ZHX1: variants seen among roughly 807,000 people sequenced by gnomAD.
ZHX1 encodes the protein zinc fingers and homeoboxes protein 1.
A neutral mutation model predicts 61.8 loss-of-function variants in ZHX1; 20 were observed. The ratio of observed to expected loss-of-function variants is 0.32; its 90% CI spans 0.23 to 0.47. The LOEUF (loss-of-function observed/expected upper bound fraction) is 0.47, where lower values mean the gene tolerates loss of function less well. Ranked by LOEUF, ZHX1 falls within the 20% of genes least tolerant of loss-of-function variation. ZHX1 has a pLI of 1.00. For missense variants in ZHX1, 800 were observed against 1,034.8 expected, an observed-to-expected ratio of 0.77 and a Z score of 3.11; for synonymous variants, 318 against 352.6, an observed-to-expected ratio of 0.90 and a Z score of 1.10.
At chr8:123,251,088 G>A (rs968827658) in intron 3 of ZHX1, among the ~76,000 whole-genome samples, 14 of 152,190 alleles carry the variant, frequency 9.2e-5, no homozygotes, top group Admixed American at 8.5e-4. Flanking sequence ...GAATCATGGG[G>A]GTGGACTTCC....
At chr8:123,261,025 A>G (rs575193284) in intron 2 of ZHX1, among the ~76,000 whole-genome samples, 8 of 152,296 alleles carry the variant, frequency 5.3e-5, no homozygotes, top group African/African-American at 1.7e-4. Flanking sequence ...CTGTCTCAAA[A>G]AAAAGACTAT....
rs1399089654 is a variant in ZHX1, at chr8:123,254,545, G to A, written c.1402C>T (p.Arg468Trp). 6 of 1,613,694 alleles carry A rather than the reference G, an allele frequency of 3.7e-6. No homozygotes were observed. The highest frequency in any genetic ancestry group is 1.3e-5 in the African/African-American group (1 of 74,976). Residue 468 changes from arginine to tryptophan, a missense_variant, in exon 3 of 4, where the codon CGG becomes TGG. Transcript: ENST00000395571. This position sits in a 1 kb window ranked among gnomAD's most constrained non-coding sequence, Gnocchi z 4.1. ...ALVNPDSFGI[R>W]AKKTKEQLAE... is the part of the protein sequence containing the mutation. The stretch of plus-strand genomic sequence containing the variant: ...AGTTGCTCTTTTGTCTTTTTTGCCC[G>A]AATGCCAAATGAATCAGGGTTTACC...
At position 123,254,759 on chromosome 8, in the gene ZHX1, C is replaced by G. The variant is rs1234750075; in HGVS notation, c.1188G>C (p.Leu396=). Residue 396 remains leucine, a synonymous_variant, in exon 3 of 4, where the codon CTG becomes CTC. Coordinates refer to ENST00000395571, the MANE Select transcript of ZHX1 (RefSeq NM_007222.5). The surrounding 1 kb of genome is among the most constrained non-coding windows in gnomAD (Gnocchi z 4.1). ...QTCQIVGQPG[L]VLTQVAGTNT... ...TTGTTCCAGCCACTTGAGTAAGGAC[C>G]AGACCAGGCTGACCAACTATTTGGC... 6.2e-7 allele frequency: 1 copy of G among 1,614,036 alleles called. No homozygotes were observed. The highest frequency in any genetic ancestry group is 1.3e-5 in the African/African-American group (1 of 74,912).
chr8:123,251,405 C>T (rs1260439118), intron 3 of ZHX1, among the ~76,000 whole-genome samples: 1 of 152,140 alleles, frequency 6.6e-6, no homozygotes, highest in African/African-American at 2.4e-5. Flanking sequence ...ATACATCATA[C>T]AGTCTTTTGA....
chr8:123,267,420 T>A (rs181694064), intron 1 of ZHX1, 34 bp from the exon 2 acceptor site: 2 of 609,892 alleles, frequency 3.3e-6, no homozygotes, highest in South Asian at 5.3e-5. Context: ...ATTCTAGATA[T>A]AATTTAGCCT....
upstream of ZHX1, among the ~76,000 whole-genome samples, chr8:123,274,865 A>G (rs1034937102): frequency 6.6e-6 from 1 of 151,764 alleles, no homozygotes; most frequent in Admixed American, 6.5e-5. Context: ...GCCCCTTGTC[A>G]TCACACGCCC....
Position 123,253,733 on chromosome 8 carries a change from A to G in ZHX1, c.2214T>C (p.Ser738=). ...TCCCTCTCCCTCTTTTCCTAAGGGA[A>G]GACAGACCATTCATACTACTTGAAT... ...SANSSSMNGL[S]SLRKRGRGRP... is the part of the protein sequence containing the mutation. The change falls in exon 3 of 4, where the codon TCT becomes TCC. Residue 738 remains serine, a synonymous_variant. Coordinates refer to ENST00000395571, the MANE Select transcript of ZHX1 (RefSeq NM_007222.5). 1 of 1,614,206 alleles carries G rather than the reference A, an allele frequency of 6.2e-7. No homozygotes were observed. The highest frequency in any genetic ancestry group is 8.5e-7 in the Non-Finnish European group (1 of 1,180,042).
chr8:123,268,623 C>T (rs1826543600), intron 1 of ZHX1, among the ~76,000 whole-genome samples: 2 of 152,104 alleles, frequency 1.3e-5, no homozygotes, highest in South Asian at 2.1e-4. Context: ...TCCCGAGTAG[C>T]TGGGATTACA....
In ZHX1 at chr8:123,253,555, G is replaced by C. The variant is rs1216938276; in HGVS notation, c.2392C>G (p.Gln798Glu). ...YYLKHKFLNE[Q>E]DLDELVNKSH... The stretch of plus-strand genomic sequence containing the variant: ...TTGTTAACAAGTTCATCAAGGTCTT[G>C]CTCATTAAGAAACTTGTGCTTCAGG... Residue 798 changes from glutamine to glutamate, a missense_variant, in exon 3 of 4, where the codon CAA (glutamine) becomes GAA (glutamate). Coordinates refer to ENST00000395571, the MANE Select transcript of ZHX1 (RefSeq NM_007222.5). The C allele has an allele frequency of 1.2e-6, 2 of 1,614,024 alleles. No individual in the cohort carries two copies. The highest frequency in any genetic ancestry group is 1.7e-6 in the Non-Finnish European group (2 of 1,180,006).
At chr8:123,272,511 C>A (rs1826689661) in intron 1 of ZHX1, among the ~76,000 whole-genome samples, 1 of 152,144 alleles carries the variant, frequency 6.6e-6, no homozygotes, top group Admixed American at 6.5e-5. Flanking sequence ...GTCAGAATTG[C>A]TACTTTAGAA....
chr8:123,253,984 C>A lies in ZHX1; in HGVS notation c.1963G>T (p.Ala655Ser), dbSNP rs750514614. The change falls in exon 3 of 4, where the codon GCA becomes TCA. Residue 655 changes from alanine (A) to serine (S), a missense_variant. Transcript: ENST00000395571. The part of the protein sequence containing the change: ...GETSPADESG[A>S]PKSGSTGKIC... ...TTGCCTGTACTCCCTGACTTAGGTG[C>A]ACCAGATTCATCTGCAGGAGAAGTT... The A allele has an allele frequency of 3.2e-5, 51 of 1,614,036 alleles. No homozygotes were observed. The highest frequency in any genetic ancestry group is 4.1e-5 in the Non-Finnish European group (48 of 1,180,038).
chr8:123,266,107 C>G (rs1032885953), intron 2 of ZHX1, among the ~76,000 whole-genome samples: 1 of 152,064 alleles, frequency 6.6e-6, no homozygotes, highest in Non-Finnish European at 1.5e-5. Flanking sequence ...TAGGTAAGTA[C>G]GTAATACATT....
chr8:123,268,021 A>G (rs948012259), intron 1 of ZHX1, among the ~76,000 whole-genome samples: 1 of 152,168 alleles, frequency 6.6e-6, no homozygotes, highest in East Asian at 1.9e-4. Context: ...AAATAAATAA[A>G]TAAGTATACA....
rs757426479 is a variant in ZHX1 at position 123,253,814 on chromosome 8, G to T, written c.2133C>A (p.Thr711=). 1 of 1,613,992 alleles carries T rather than the reference G, an allele frequency of 6.2e-7. No individual in the cohort carries two copies. The highest frequency in any genetic ancestry group is 1.3e-5 in the African/African-American group (1 of 74,900). Residue 711 remains threonine, a synonymous_variant, in exon 3 of 4, where the codon ACC becomes ACA. Transcript: ENST00000395571. ...RTDIVSWFGD[T]RYAWKNGNLK... ...AGTTTCCATTCTTCCAAGCATAACG[G>T]GTGTCCCCAAACCAACTAACTATGT...
At chr8:123,274,702 C>T (rs1475803577), upstream of ZHX1, among the ~76,000 whole-genome samples, 1 of 152,072 alleles carries the variant, frequency 6.6e-6, no homozygotes, top group African/African-American at 2.4e-5. Context: ...CGAAATGGCC[C>T]CGCCCTTTGC....
chr8:123,267,823 G>T (rs901520106), intron 1 of ZHX1, among the ~76,000 whole-genome samples: 2 of 152,120 alleles, frequency 1.3e-5, no homozygotes, highest in African/African-American at 4.8e-5. Flanking sequence ...CCAACAAGGA[G>T]AAACCCCGTC....
intron 2 of ZHX1, among the ~76,000 whole-genome samples, chr8:123,262,397 A>C (rs958225031): frequency 6.6e-6 from 1 of 152,238 alleles, no homozygotes; most frequent in Non-Finnish European, 1.5e-5. Context: ...GTGAGGAAAT[A>C]TGTATGCATG....
Position 123,272,986 on chromosome 8 carries a change from T to C in ZHX1, c.-340+1231A>G, listed in dbSNP as rs578032305. Among the ~76,000 whole-genome samples, 87 of 152,204 alleles carry C rather than the reference T, an allele frequency of 5.7e-4. 1 individual carries two copies. Among genetic ancestry groups the C allele is most frequent in the East Asian group, 3.7e-3 (19 of 5,178 alleles). ...TTAGCTCTTCGCATTTTTTTTTTTT[T>C]CTAATAGCTGGGCTGAGTTGACAGA... is the stretch of plus-strand genomic sequence containing the variant. On this transcript the variant is annotated intron_variant, in intron 1 of 3. Coordinates refer to ENST00000395571, the MANE Select transcript of ZHX1 (RefSeq NM_007222.5).
upstream of ZHX1, among the ~76,000 whole-genome samples, chr8:123,274,810 C>A (rs1307405138): frequency 6.6e-6 from 1 of 152,184 alleles, no homozygotes; most frequent in Non-Finnish European, 1.5e-5. Context: ...TTCCTAATGT[C>A]ACTGCTGGAT....
Sources: gnomAD v4.1 joint callset for allele counts (sites outside exome capture counted in the v4.1 genomes callset) on GRCh38, gnomAD v4.1.1 for gene constraint, Gnocchi (gnomAD v3.1) non-coding constraint, MANE v1.5 for transcripts, NCBI Gene and HGNC (gene_info 2026-07-23, HGNC 2026-07-21) for gene names.